The following BNIP1 variants were observed in gnomAD, a reference collection of about 807,000 sequenced individuals.
BNIP1 encodes vesicle transport protein SEC20.
Under a neutral mutation model 28.5 loss-of-function variants are expected in BNIP1, and 25 were observed. The observed-to-expected ratio is 0.88, with a 90% CI of 0.64 to 1.23. BNIP1 has a LOEUF of 1.23. Among genes scored for constraint, BNIP1 ranks in the 50% most tolerant of loss-of-function variants. BNIP1 has a pLI of 0.00. For synonymous variants in BNIP1, 118 were observed against 101.7 expected, an observed-to-expected ratio of 1.16 and a Z score of -0.96; for missense variants, 276 against 277.0, an observed-to-expected ratio of 1.00 and a Z score of 0.02.
At chr5:173,162,970 C>T (rs1390096979) in intron 5 of BNIP1, among the ~76,000 whole-genome samples, 2 of 152,242 alleles carry the variant, frequency 1.3e-5, no homozygotes, top group South Asian at 2.1e-4. Context: ...AAACATTTCA[C>T]AGGCGTTCCT....
chr5:173,162,309 T>C (rs1326483733), intron 5 of BNIP1, among the ~76,000 whole-genome samples: 1 of 152,214 alleles, frequency 6.6e-6, no homozygotes, highest in African/African-American at 2.4e-5. Context: ...TCCTTTTTCT[T>C]AGATTAAGTC....
intron 5 of BNIP1, chr5:173,160,708 T>C: frequency 1.4e-5 from 6 of 428,016 alleles, no homozygotes; most frequent in South Asian, 1.0e-4. Flanking sequence ...GGGACCCATA[T>C]GGCCAGGCAA....
chr5:173,148,904 T>G (rs1363847412), intron 2 of BNIP1, among the ~76,000 whole-genome samples: 1 of 152,184 alleles, frequency 6.6e-6, no homozygotes, highest in East Asian at 1.9e-4. Context: ...TGAGGGTTTC[T>G]AGTAATTTCA....
chr5:173,163,814 T>G lies in BNIP1; in HGVS notation c.580T>G (p.Tyr194Asp), dbSNP rs1327328652. 1 of 1,613,944 alleles carries G rather than the reference T, an allele frequency of 6.2e-7. No homozygotes were observed. Among genetic ancestry groups the G allele is most frequent in the South Asian group, 1.1e-5 (1 of 91,018 alleles). Residue 194 changes from tyrosine (Y) to aspartate (D), a missense_variant, in exon 6 of 6, where the codon TAC (tyrosine) becomes GAC (aspartate). Transcript: ENST00000351486. The part of the protein sequence containing the change: ...IQLGRKLITK[Y>D]NRRELTDKLL... ...GCTGGGCCGGAAGCTTATCACAAAA[T>G]ACAATCGCCGGGAGCTGACGGACAA...
At chr5:173,156,427 G>C (rs1760187546) in intron 3 of BNIP1, among the ~76,000 whole-genome samples, 1 of 151,882 alleles carries the variant, frequency 6.6e-6, no homozygotes, top group African/African-American at 2.4e-5. Flanking sequence ...AGGACTGCTT[G>C]AGCCCAGGAG....
intron 2 of BNIP1, among the ~76,000 whole-genome samples, chr5:173,153,104 A>G (rs1388421495): frequency 6.6e-6 from 1 of 151,286 alleles, no homozygotes; most frequent in Admixed American, 6.6e-5. Context: ...GTTATTTTGG[A>G]CTGTGAGCGC....
chr5:173,155,685 T>C (rs1035790966), intron 3 of BNIP1, among the ~76,000 whole-genome samples: 4 of 151,946 alleles, frequency 2.6e-5, no homozygotes, highest in Non-Finnish European at 5.9e-5. Flanking sequence ...AGAGTGAGAC[T>C]CCACCTTAAA....
In BNIP1 at chr5:173,164,044, G is replaced by A. The variant is rs1031033841; in HGVS notation, c.*123G>A. 9.9e-7 allele frequency: 1 copy of A among 1,014,528 alleles called. No homozygotes were observed. Among genetic ancestry groups the A allele is most frequent in the Admixed American group, 2.8e-5 (1 of 35,790 alleles). The allele number at this position is 1,014,528 out of a possible 1,614,324, so 62.8% of individuals were successfully genotyped here. On this transcript the variant is annotated 3_prime_UTR_variant, in exon 6 of 6. Transcript: ENST00000351486. This position sits in a 1 kb window ranked among gnomAD's most constrained non-coding sequence, Gnocchi z 4.0. ...CGTTTGCACCAGTTGCCTGCAGGTT[G>A]GATGGAACACAGTGCCCCACTTTTC...
chr5:173,156,770 C>T (rs1303352536), intron 3 of BNIP1, among the ~76,000 whole-genome samples: 1 of 151,292 alleles, frequency 6.6e-6, no homozygotes, highest in Admixed American at 6.6e-5. Context: ...GCCTCAGCCT[C>T]TCCGAGTAGC....
intron 3 of BNIP1, among the ~76,000 whole-genome samples, chr5:173,158,232 C>T (rs951256123): frequency 5.9e-5 from 9 of 152,186 alleles, no homozygotes; most frequent in Admixed American, 4.6e-4. Context: ...TGCCTGGCCA[C>T]GATTTTTTAT....
intron 5 of BNIP1, among the ~76,000 whole-genome samples, chr5:173,162,202 G>T (rs1440682233): frequency 6.6e-6 from 1 of 152,108 alleles, no homozygotes; most frequent in Non-Finnish European, 1.5e-5. Flanking sequence ...AGAAACATAA[G>T]AAATTAATTT....
chr5:173,163,161 T>C (rs956627844), intron 5 of BNIP1, among the ~76,000 whole-genome samples: 3 of 152,216 alleles, frequency 2.0e-5, no homozygotes, highest in African/African-American at 7.2e-5. Flanking sequence ...CGTGGGCCTC[T>C]TCTTAGGTGT....
intron 2 of BNIP1, among the ~76,000 whole-genome samples, chr5:173,148,083 A>AAAAT (rs1759906154): frequency 2.5e-5 from 1 of 40,300 alleles, no homozygotes; most frequent in Non-Finnish European, 3.9e-5. Flanking sequence ...AAAAAAAAAA[A>AAAAT]ATATATATAT....
Position 173,164,069 on chromosome 5 carries a change from C to A in BNIP1, c.*148C>A. 1.4e-6 allele frequency: 1 copy of A among 732,182 alleles called. No individual in the cohort carries two copies. The highest frequency in any genetic ancestry group is 2.9e-5 in the East Asian group (1 of 34,670). The allele number at this position is 732,182 out of a possible 1,614,324, so 45.4% of individuals were successfully genotyped here. A position where few individuals can be genotyped will look rare whatever the true frequency, so the allele number is the denominator to read the frequency against. ...GGATGGAACACAGTGCCCCACTTTTCTGCAAGTAGCTGGCTTGTAAAGGGT... is the reference window on the plus strand; with the variant it reads ...GGATGGAACACAGTGCCCCACTTTTATGCAAGTAGCTGGCTTGTAAAGGGT... On this transcript the variant is annotated 3_prime_UTR_variant, in exon 6 of 6. Transcript: ENST00000351486. This position sits in a 1 kb window ranked among gnomAD's most constrained non-coding sequence, Gnocchi z 4.0.
At chr5:173,163,045 T>C (rs1760407386) in intron 5 of BNIP1, among the ~76,000 whole-genome samples, 1 of 152,200 alleles carries the variant, frequency 6.6e-6, no homozygotes, top group African/African-American at 2.4e-5. Flanking sequence ...CCTTGCTATG[T>C]TTTGTGGGAG....
intron 2 of BNIP1, among the ~76,000 whole-genome samples, chr5:173,150,537 C>T (rs1322594472): frequency 1.3e-5 from 2 of 152,184 alleles, no homozygotes; most frequent in Non-Finnish European, 2.9e-5. Context: ...CTGCCTTCAT[C>T]TCCAGTACTG....
chr5:173,159,905 T>C (rs559764497), intron 4 of BNIP1, 28 bp from the exon 5 acceptor site: 15 of 1,601,402 alleles, frequency 9.4e-6, no homozygotes, highest in Non-Finnish European at 1.3e-5. Context: ...TTGACATTCC[T>C]CCCCTTTCTC....
rs746154523 is a variant in BNIP1, at chr5:173,154,393, T to C, written c.249T>C (p.Asn83=). 2.5e-6 allele frequency: 4 copies of C among 1,613,724 alleles called. No individual in the cohort carries two copies. The highest frequency in any genetic ancestry group is 1.3e-5 in the African/African-American group (1 of 75,022). The change falls in exon 3 of 6, where the codon AAT becomes AAC. Residue 83 remains asparagine (N), a synonymous_variant. Coordinates refer to ENST00000351486, the MANE Select transcript of BNIP1 (RefSeq NM_001205.3). ...AACTTCTACTCCAGGAAGTGGAGAA[T>C]CACAAAAAGCAGATGCTCAGGTAGG... The part of the protein sequence containing the change: ...EKQLLLQEVE[N]HKKQMLSNQA...
chr5:173,155,322 C>G (rs1307459506), intron 3 of BNIP1, among the ~76,000 whole-genome samples: 1 of 152,170 alleles, frequency 6.6e-6, no homozygotes, highest in African/African-American at 2.4e-5. Context: ...GTATCTTTCC[C>G]TTCACATTTG....
Sources: allele counts gnomAD v4.1 joint callset (sites outside exome capture counted in the v4.1 genomes callset), GRCh38; gene constraint gnomAD v4.1.1; non-coding constraint Gnocchi (gnomAD v3.1); transcripts MANE v1.5; gene names NCBI Gene and HGNC (gene_info 2026-07-23, HGNC 2026-07-21).